Variants in KIF14 observed in about 807,000 individuals in gnomAD.
KIF14 encodes kinesin-like protein KIF14.
In KIF14, 98 loss-of-function variants were observed where a neutral mutation model predicts 176.2. The ratio of observed to expected loss-of-function variants is 0.56; its 90% confidence interval spans 0.47 to 0.66. The LOEUF is 0.66. Among genes scored for constraint, KIF14 ranks in the 30% least tolerant of loss-of-function variants. The pLI, the probability that KIF14 is intolerant of heterozygous loss-of-function variation, is 0.00. For synonymous variants in KIF14, 566 were observed against 632.2 expected (o/e 0.90, Z 1.57); for missense variants, 1,751 against 1,920.4 (o/e 0.91, Z 1.65).
chr1:200,585,980 C>T (rs1658715512), intron 19 of KIF14, 121 bp downstream of exon 19: 4 of 642,526 alleles, frequency 6.2e-6, no homozygotes, highest in Non-Finnish European at 9.5e-6. Flanking sequence ...CCAGAAAAGT[C>T]AACAACTAGA....
At position 200,583,220 on chromosome 1, in the gene KIF14, G is replaced by A. The variant is rs926973488; in HGVS notation, c.3242-1926C>T. On this transcript the variant is annotated intron_variant, in intron 19 of 29. Coordinates refer to ENST00000367350, the MANE Select transcript of KIF14 (RefSeq NM_014875.3). ...TGGTATCCTGATTCAAACAAATCAA[G>A]TTTTTTTTTTAAAAAAAGGATGAAA... 5.3e-5 allele frequency among the ~76,000 whole-genome samples: 8 copies of A among 150,736 alleles called. No individual in the cohort carries two copies. In the South Asian group the frequency reaches 1.3e-3, roughly 24 times the overall value.
rs112999726 is a variant in KIF14 at position 200,599,535 on chromosome 1, C to T, written c.2364+515G>A. 3.9e-5 allele frequency among the ~76,000 whole-genome samples: 6 copies of T among 152,292 alleles called. 1 individual carries two copies. The highest frequency in any genetic ancestry group is 1.4e-4 in the African/African-American group (6 of 41,546). On this transcript the variant is annotated intron_variant, in intron 13 of 29. Coordinates refer to ENST00000367350, the MANE Select transcript of KIF14 (RefSeq NM_014875.3). ...CTTCTTCTCCTGAATTCTTATAGTA[C>T]TCCCCCACTACCAATCACTTGAAAT...
chr1:200,553,413 G>T lies in KIF14; in HGVS notation c.4922C>A (p.Thr1641Lys). ...SSPAVSSEECTPSRIQWV is the reference protein window; with the variant it reads ...SSPAVSSEECKPSRIQWV ...TCACACCCACTGAATCCTACTGGGT[G>T]TGCATTCCTCTGAGCTCACTGCTGG... is the stretch of plus-strand genomic sequence containing the variant. The change falls in exon 30 of 30, where the codon ACA becomes AAA. Residue 1641 changes from threonine to lysine, a missense_variant. By Grantham distance (78) the Thr-to-Lys change is moderately conservative. Transcript: ENST00000367350. 1 of 1,612,498 alleles carries T rather than the reference G, an allele frequency of 6.2e-7. No homozygotes were observed.
At chr1:200,579,703 A>G (rs1187743162) in intron 21 of KIF14, among the ~76,000 whole-genome samples, 1 of 152,164 alleles carries the variant, frequency 6.6e-6, no homozygotes, top group Admixed American at 6.5e-5. Context: ...GTGAGCATCA[A>G]AGTGTAATAA....
chr1:200,575,453 T>C lies in KIF14; in HGVS notation c.3566+138A>G, dbSNP rs1310396001. 3 of 426,962 alleles carry C rather than the reference T, an allele frequency of 7.0e-6. No individual in the cohort carries two copies. In the Admixed American group the frequency reaches 1.2e-4, roughly 17 times the overall value. 26.4% of individuals were successfully genotyped at this position (426,962 alleles called of 1,614,324 possible). On this transcript the variant is annotated intron_variant, in intron 22 of 29. Transcript: ENST00000367350. ...TATTATTCCTCTTACAGTTCTGGGT[T>C]TCCTGTCCAGACATCTATCATGACA...
At chr1:200,584,459 A>T (rs1658631612) in intron 19 of KIF14, among the ~76,000 whole-genome samples, 1 of 152,240 alleles carries the variant, frequency 6.6e-6, no homozygotes, top group Non-Finnish European at 1.5e-5. Flanking sequence ...AATCTTCAAC[A>T]AAATACTAGC....
At chr1:200,615,156 G>A (rs758018514) in intron 3 of KIF14, among the ~76,000 whole-genome samples, 199 bp downstream of exon 3, 2 of 152,168 alleles carry the variant, frequency 1.3e-5, no homozygotes. Flanking sequence ...AAGATGAATT[G>A]TATCAAGGTA....
At chr1:200,604,232 C>T (rs1659765607) in intron 8 of KIF14, among the ~76,000 whole-genome samples, 1 of 151,982 alleles carries the variant, frequency 6.6e-6, no homozygotes, top group South Asian at 2.1e-4. Flanking sequence ...ACACCTGCTA[C>T]TTTTTTTTAT....
intron 15 of KIF14, among the ~76,000 whole-genome samples, chr1:200,592,711 G>A (rs1466771631): frequency 1.3e-5 from 2 of 152,184 alleles, no homozygotes; most frequent in East Asian, 1.9e-4. Flanking sequence ...TAACAACAGG[G>A]ATATGTTCTG....
intron 16 of KIF14, 73 bp from the exon 17 acceptor site, chr1:200,590,345 C>T: frequency 7.8e-7 from 1 of 1,282,416 alleles, no homozygotes; most frequent in Non-Finnish European, 1.0e-6. Flanking sequence ...CTTAATCCTA[C>T]TGAAAAGTTT....
At chr1:200,567,936 C>G (rs529399730) in intron 23 of KIF14, among the ~76,000 whole-genome samples, 120 of 151,912 alleles carry the variant, frequency 7.9e-4, no homozygotes, top group Middle Eastern at 3.4e-3. Context: ...GTAGAGTCAT[C>G]GAGAAGAGTT....
intron 14 of KIF14, among the ~76,000 whole-genome samples, chr1:200,597,335 C>T (rs577329585): frequency 4.6e-5 from 7 of 152,156 alleles, no homozygotes; most frequent in African/African-American, 1.7e-4. Context: ...TACCAAAAAG[C>T]TCACGAAAGA....
chr1:200,595,452 G>A (rs1049705782), intron 14 of KIF14, among the ~76,000 whole-genome samples: 2 of 152,184 alleles, frequency 1.3e-5, no homozygotes, highest in African/African-American at 2.4e-5. Context: ...AAGATAAACT[G>A]AGGAAGGTAC....
intron 23 of KIF14, among the ~76,000 whole-genome samples, chr1:200,569,564 T>C (rs1364376886): frequency 1.3e-5 from 2 of 152,142 alleles, no homozygotes; most frequent in Non-Finnish European, 2.9e-5. Flanking sequence ...CAAGCATCTA[T>C]GTCCACATCT....
At chr1:200,609,080 A>G (rs111940868) in intron 4 of KIF14, 152 bp from the exon 5 acceptor site, 97 of 481,270 alleles carry the variant, frequency 2.0e-4, no homozygotes, top group African/African-American at 1.7e-3. Flanking sequence ...AAAATGCACA[A>G]AGGACTTGAA....
Position 200,618,489 on chromosome 1 carries a change from G to C in KIF14, c.235C>G (p.Pro79Ala), listed in dbSNP as rs1034376559. ...CTACCTACAGGATTAGGGGTAAGGG[G>C]CATGTCTGCTGTTTTTCTACTGGCA... is the stretch of plus-strand genomic sequence containing the variant. ...ISASRKTADM[P>A]LTPNPVGRLA... Residue 79 changes from proline to alanine, a missense_variant, in exon 2 of 30, where the codon CCC becomes GCC. Coordinates refer to ENST00000367350, the MANE Select transcript of KIF14 (RefSeq NM_014875.3). 2 of 1,613,978 alleles carry C rather than the reference G, an allele frequency of 1.2e-6. No individual in the cohort carries two copies. The highest frequency in any genetic ancestry group is 2.7e-5 in the African/African-American group (2 of 74,908).
At chr1:200,603,690 C>G (rs370780707) in intron 9 of KIF14, 149 bp downstream of exon 9, 2 of 553,668 alleles carry the variant, frequency 3.6e-6, no homozygotes, top group South Asian at 5.4e-5. Flanking sequence ...CCAAAAAGTA[C>G]GTATCTCTTT....
intron 14 of KIF14, among the ~76,000 whole-genome samples, chr1:200,597,092 G>A (rs1017294318): frequency 6.6e-6 from 1 of 151,070 alleles, no homozygotes; most frequent in South Asian, 2.1e-4. Context: ...TAGAGACAGG[G>A]TTTCACCATG....
At chr1:200,590,053 C>T in intron 17 of KIF14, 72 bp downstream of exon 17, 1 of 1,468,220 alleles carries the variant, frequency 6.8e-7, no homozygotes, top group Non-Finnish European at 9.1e-7. Context: ...GGGACATAAT[C>T]AACTTTATAG....
Sources: gnomAD v4.1 joint callset for allele counts (sites outside exome capture counted in the v4.1 genomes callset) on GRCh38, gnomAD v4.1.1 for gene constraint, MANE v1.5 for transcripts, NCBI Gene and HGNC (gene_info 2026-07-23, HGNC 2026-07-21) for gene names.